Variants in BTG4 observed in about 807,000 individuals in gnomAD.
BTG4 encodes the protein BTG anti-proliferation factor 4.
In BTG4, 10 loss-of-function variants were observed where a neutral mutation model predicts 19.3. That is an observed-to-expected ratio of 0.52 (90% CI 0.32 to 0.88). BTG4 has a LOEUF of 0.88. Among genes scored for constraint, BTG4 ranks in the 40% least tolerant of loss-of-function variants. BTG4 has a pLI of 0.04. For missense variants in BTG4, 238 were observed against 281.9 expected, an observed-to-expected ratio of 0.84 and a Z score of 1.11; for synonymous variants, 91 against 95.7, an observed-to-expected ratio of 0.95 and a Z score of 0.29.
chr11:111,489,172 G>A (rs182739343), intron 5 of BTG4, among the ~76,000 whole-genome samples: 82 of 151,652 alleles, frequency 5.4e-4, no homozygotes, highest in African/African-American at 1.9e-3. Context: ...TGGCCAACAG[G>A]TATGTGAAAA....
At chr11:111,445,680 A>G in the BTG4 span, among the ~76,000 whole-genome samples, 1 of 152,210 alleles carries the variant, frequency 6.6e-6, no homozygotes, top group African/African-American at 2.4e-5. Flanking sequence ...TCAACCTGAA[A>G]AGCAACCTGA....
At chr11:111,482,967 G>A (rs563858434) in intron 5 of BTG4, among the ~76,000 whole-genome samples, 3 of 152,090 alleles carry the variant, frequency 2.0e-5, no homozygotes, top group Non-Finnish European at 4.4e-5. Flanking sequence ...TGTGAAAGAC[G>A]TCATTAAGAG....
chr11:111,498,177 A>T lies in BTG4; in HGVS notation c.174-42T>A, dbSNP rs537167862. 39 of 1,606,600 alleles carry T rather than the reference A, an allele frequency of 2.4e-5. No homozygotes were observed. The South Asian group carries it at 3.9e-4, about 16-fold the overall frequency. On this transcript the variant is annotated intron_variant, in intron 2 of 4. Transcript: ENST00000692032. ...GGGAAACGAAGACATGATGACAGAC[A>T]CTTTAGCAGGAGAATCACATTATGC...
chr11:111,438,762 A>G, the BTG4 span, among the ~76,000 whole-genome samples: 1 of 152,184 alleles, frequency 6.6e-6, no homozygotes, highest in Non-Finnish European at 1.5e-5. Context: ...GACCCCATAC[A>G]TTACCCTAAG....
chr11:111,495,890 C>A (rs2135668507), intron 4 of BTG4, among the ~76,000 whole-genome samples: 1 of 152,270 alleles, frequency 6.6e-6, no homozygotes, highest in African/African-American at 2.4e-5. Flanking sequence ...CTTTGAATAA[C>A]ATAGTTTGGT....
rs554588482 is a variant in BTG4 at position 111,467,557 on chromosome 11, G to T, written c.*115C>A. Reference sequence around the variant, plus strand: ...TGGTTTTGTTTTTTATTCTTTTCAGGCTCCAGAAATCACCCTGAAGATTTC... The same window carrying T: ...TGGTTTTGTTTTTTATTCTTTTCAGTCTCCAGAAATCACCCTGAAGATTTC... On this transcript the variant is annotated 3_prime_UTR_variant, in exon 6 of 6. Coordinates refer to the BTG4 transcript ENST00000356018. 34 of 673,258 alleles carry T rather than the reference G, an allele frequency of 5.1e-5. No individual in the cohort carries two copies. The East Asian group carries it at 6.3e-4, about 13-fold the overall frequency. 41.7% of individuals were successfully genotyped at this position (673,258 alleles called of 1,614,324 possible).
chr11:111,406,671 G>C, the BTG4 span, among the ~76,000 whole-genome samples: 3 of 152,282 alleles, frequency 2.0e-5, no homozygotes, highest in East Asian at 5.8e-4. Flanking sequence ...CCAGGGTTTT[G>C]GGAAGTAGGC....
chr11:111,429,352 C>A, the BTG4 span, among the ~76,000 whole-genome samples: 45 of 152,210 alleles, frequency 3.0e-4, no homozygotes, highest in African/African-American at 1.0e-3. Context: ...GTAACTGGCA[C>A]GTTACTCAAA....
intron 5 of BTG4, among the ~76,000 whole-genome samples, chr11:111,478,837 T>G (rs1026966644): frequency 2.6e-5 from 4 of 151,318 alleles, no homozygotes; most frequent in Admixed American, 1.3e-4. Context: ...AAAAAAAGAC[T>G]GAGGAAATGA....
the BTG4 span, among the ~76,000 whole-genome samples, chr11:111,422,719 A>G: frequency 1.3e-5 from 2 of 152,170 alleles, no homozygotes; most frequent in Non-Finnish European, 2.9e-5. Flanking sequence ...CCGAGGCCAG[A>G]AACAGGACAA....
chr11:111,462,900 A>G (rs1287575507), downstream of BTG4: 1 of 152,726 alleles, frequency 6.5e-6, no homozygotes, highest in Non-Finnish European at 1.5e-5. Context: ...TGATGAGCAC[A>G]TCCTCCCACA....
chr11:111,494,374 G>C (rs1258288098), downstream of BTG4, among the ~76,000 whole-genome samples: 2 of 152,174 alleles, frequency 1.3e-5, no homozygotes, highest in African/African-American at 2.4e-5. Context: ...AACAACTAGA[G>C]ACACAGAATT....
At chr11:111,443,796 G>A in the BTG4 span, among the ~76,000 whole-genome samples, 2 of 152,206 alleles carry the variant, frequency 1.3e-5, no homozygotes, top group African/African-American at 4.8e-5. Flanking sequence ...TGCAACAAGT[G>A]TAGGGCAGCA....
downstream of BTG4, among the ~76,000 whole-genome samples, chr11:111,490,465 C>T (rs1865348232): frequency 6.6e-6 from 1 of 152,000 alleles, no homozygotes. Flanking sequence ...AAATAAAGAA[C>T]TTTTTAAAAT....
upstream of BTG4, among the ~76,000 whole-genome samples, chr11:111,513,697 T>C (rs1165359185): frequency 6.6e-6 from 1 of 152,220 alleles, no homozygotes; most frequent in Non-Finnish European, 1.5e-5. Flanking sequence ...TGTTTTGTTT[T>C]TTTTTCAATA....
the BTG4 span, among the ~76,000 whole-genome samples, chr11:111,387,454 T>A: frequency 2.0e-5 from 3 of 152,180 alleles, no homozygotes; most frequent in African/African-American, 7.2e-5. Flanking sequence ...CAAATAGAGA[T>A]TGCATCAACC....
the BTG4 span, among the ~76,000 whole-genome samples, chr11:111,446,330 T>A: frequency 1.8e-3 from 280 of 152,328 alleles, 2 homozygotes; most frequent in African/African-American, 6.3e-3. Flanking sequence ...CATTACAATG[T>A]CAATCTCACA....
At chr11:111,393,161 A>G in the BTG4 span, among the ~76,000 whole-genome samples, 5 of 152,218 alleles carry the variant, frequency 3.3e-5, no homozygotes, top group East Asian at 7.7e-4. Flanking sequence ...ATCTCCCCCA[A>G]GTTTCCTCCA....
the BTG4 span, among the ~76,000 whole-genome samples, chr11:111,400,260 G>GA: frequency 1.3e-3 from 194 of 152,286 alleles, no homozygotes; most frequent in Non-Finnish European, 2.0e-3. Flanking sequence ...ACAGTTATGT[G>GA]AATTGAACTA....
Sources: gnomAD v4.1 joint callset for allele counts (sites outside exome capture counted in the v4.1 genomes callset) on GRCh38, gnomAD v4.1.1 for gene constraint, MANE v1.5 for transcripts, NCBI Gene and HGNC (gene_info 2026-07-23, HGNC 2026-07-21) for gene names.